ABAT: variants seen among roughly 807,000 people sequenced by gnomAD.
The protein encoded by ABAT is 4-aminobutyrate aminotransferase.
In ABAT, 45 loss-of-function variants were observed where a neutral mutation model predicts 64.6. The observed-to-expected ratio is 0.70, with a 90% confidence interval of 0.55 to 0.89. The LOEUF is 0.89. Ranked by LOEUF, ABAT falls within the 40% of genes least tolerant of loss-of-function variation. The probability of loss-of-function intolerance (pLI) is 0.00; values close to 1 mark genes in which losing one functional copy is unlikely to be tolerated. For synonymous variants in ABAT, 297 were observed against 250.5 expected (o/e 1.19, Z -1.75); for missense variants, 633 against 658.4 (o/e 0.96, Z 0.42).
At chr16:8,755,913 G>C (rs1567305904) in intron 5 of ABAT, among the ~76,000 whole-genome samples, 1 of 152,188 alleles carries the variant, frequency 6.6e-6, no homozygotes, top group Non-Finnish European at 1.5e-5. Context: ...GCCAGGCGTG[G>C]TGATGGGCGC....
chr16:8,738,028 A>G (rs924202445), intron 2 of ABAT, among the ~76,000 whole-genome samples: 9 of 136,552 alleles, frequency 6.6e-5, no homozygotes, highest in Non-Finnish European at 1.1e-4. Context: ...AAAGAAAGAA[A>G]GAAGGACAGA....
At chr16:8,712,633 C>G (rs2058101991) in intron 1 of ABAT, among the ~76,000 whole-genome samples, 1 of 152,144 alleles carries the variant, frequency 6.6e-6, no homozygotes, top group Admixed American at 6.5e-5. Flanking sequence ...CCCTTTGGCC[C>G]TTGTTCTGCC....
At chr16:8,757,414 C>T (rs8057162) in intron 5 of ABAT, 55,348 of 360,540 alleles carry the variant, frequency 0.15, 4,565 homozygotes, top group East Asian at 0.23. Context: ...GTGATCCACC[C>T]GCCTTGGCCT....
chr16:8,708,545 C>T (rs575121238), intron 1 of ABAT, among the ~76,000 whole-genome samples: 2 of 152,188 alleles, frequency 1.3e-5, no homozygotes, highest in Non-Finnish European at 2.9e-5. Context: ...AAGCAATCTC[C>T]CTGCCTCTGC....
rs111279225 is a variant in ABAT, at chr16:8,776,085, C to G, written c.1123-259C>G. On this transcript the variant is annotated intron_variant, in intron 13 of 15. Transcript: ENST00000268251. This position sits in a 1 kb window ranked among gnomAD's most constrained non-coding sequence, Gnocchi z 4.4. Reference sequence around the variant, plus strand: ...CTGAGGGATTTCCCAGTGCATGGGACGATTTGGTCCTCCCCATAGCAGTTC... The same window carrying G: ...CTGAGGGATTTCCCAGTGCATGGGAGGATTTGGTCCTCCCCATAGCAGTTC... Among the ~76,000 whole-genome samples, 41 of 152,160 alleles carry G rather than the reference C, an allele frequency of 2.7e-4. No individual in the cohort carries two copies. The highest frequency in any genetic ancestry group is 5.0e-4 in the Non-Finnish European group (34 of 68,028).
intron 1 of ABAT, among the ~76,000 whole-genome samples, chr16:8,692,255 C>T (rs898919740): frequency 1.3e-5 from 2 of 152,158 alleles, no homozygotes; most frequent in African/African-American, 2.4e-5. Flanking sequence ...GTGGTTCATG[C>T]TTGTGGTCCC....
Position 8,706,420 on chromosome 16 carries a change from A to G in ABAT, c.-41-29279A>G, listed in dbSNP as rs28742255. On this transcript the variant is annotated intron_variant, in intron 1 of 15. Coordinates refer to ENST00000268251, the MANE Select transcript of ABAT (RefSeq NM_020686.6). ...ACCCTGTTTCAAAAAAAAAAAAAAA[A>G]AAAGAAAAGACCAGGCATGATGGCT... Among the ~76,000 whole-genome samples, 154 of 148,150 alleles carry G rather than the reference A, an allele frequency of 1.0e-3. 3 individuals carry two copies. Among genetic ancestry groups the G allele is most frequent in the South Asian group, 7.1e-3 (33 of 4,662 alleles).
rs778419804 is a variant in ABAT, at chr16:8,781,192, T to C, written c.1382-117T>C. On this transcript the variant is annotated intron_variant, in intron 15 of 15. Coordinates refer to ENST00000268251, the MANE Select transcript of ABAT (RefSeq NM_020686.6). The surrounding 1 kb of genome is among the most constrained non-coding windows in gnomAD (Gnocchi z 4.5). The stretch of plus-strand genomic sequence containing the variant: ...CCCGGGCTTCCATGATGGAGGATGA[T>C]GGATGGATGGATGGATGGATGGATG... The C allele has an allele frequency of 4.7e-5, 8 of 171,814 alleles. No individual in the cohort carries two copies. Among genetic ancestry groups the C allele is most frequent in the Admixed American group, 1.9e-4 (2 of 10,746 alleles). The allele number at this position is 171,814 out of a possible 1,614,324, so 10.6% of individuals were successfully genotyped here.
At chr16:8,724,731 G>GAAAAAA (rs1567286719) in intron 1 of ABAT, among the ~76,000 whole-genome samples, 1 of 73,194 alleles carries the variant, frequency 1.4e-5, no homozygotes, top group African/African-American at 4.3e-5. Context: ...CTTGTCTCAG[G>GAAAAAA]AAAAAAAAAA....
chr16:8,717,783 G>A (rs1273393), intron 1 of ABAT, among the ~76,000 whole-genome samples: 60,900 of 151,932 alleles, frequency 0.4, 13,897 homozygotes, highest in African/African-American at 0.63. Flanking sequence ...GAATCAGAAG[G>A]ACTAATTTAA....
intron 1 of ABAT, among the ~76,000 whole-genome samples, chr16:8,689,468 T>C (rs1227949482): frequency 2.0e-5 from 3 of 152,326 alleles, no homozygotes; most frequent in Admixed American, 1.3e-4. Flanking sequence ...CAAAAATGTA[T>C]TGGGCTTCCA....
intron 11 of ABAT, among the ~76,000 whole-genome samples, chr16:8,771,267 C>T (rs534340243): frequency 6.6e-6 from 1 of 151,182 alleles, no homozygotes; most frequent in African/African-American, 2.4e-5. Context: ...TGCACTCCAG[C>T]CTGGGCAACA....
At chr16:8,732,814 C>T in intron 1 of ABAT, among the ~76,000 whole-genome samples, 1 of 150,148 alleles carries the variant, frequency 6.7e-6, no homozygotes, top group Non-Finnish European at 1.5e-5. Context: ...AGAGGCGCCC[C>T]TCACCTCCCG....
chr16:8,706,870 C>A (rs2057957128), intron 1 of ABAT, among the ~76,000 whole-genome samples: 1 of 152,258 alleles, frequency 6.6e-6, no homozygotes, highest in African/African-American at 2.4e-5. Context: ...GTGTTTGCGA[C>A]CTGAGTGATT....
At chr16:8,762,262 T>C (rs1040983296) in intron 6 of ABAT, among the ~76,000 whole-genome samples, 2 of 152,246 alleles carry the variant, frequency 1.3e-5, no homozygotes, top group Non-Finnish European at 2.9e-5. Context: ...CACATTGCAA[T>C]GAATGCACAT....
rs3217123 is a variant in ABAT at position 8,781,189 on chromosome 16, TGATG to T, written c.1382-95_1382-92del. On this transcript the variant is annotated intron_variant, in intron 15 of 15. Coordinates refer to ENST00000268251, the MANE Select transcript of ABAT (RefSeq NM_020686.6). The surrounding 1 kb of genome is among the most constrained non-coding windows in gnomAD (Gnocchi z 4.5). Reference sequence around the variant, plus strand: ...AAGCCCGGGCTTCCATGATGGAGGATGATGGATGGATGGATGGATGGATGGATGA... The same window carrying T: ...AAGCCCGGGCTTCCATGATGGAGGATGATGGATGGATGGATGGATGGATGA... 909,833 of 1,429,434 alleles carry T rather than the reference TGATG, an allele frequency of 0.64. 290,281 individuals carry two copies. The highest frequency in any genetic ancestry group is 0.65 in the Middle Eastern group (2,724 of 4,186). The allele number at this position is 1,429,434 out of a possible 1,614,324, so 88.5% of individuals were successfully genotyped here.
chr16:8,723,079 A>G (rs2058421313), intron 1 of ABAT, among the ~76,000 whole-genome samples: 1 of 152,074 alleles, frequency 6.6e-6, no homozygotes, highest in Non-Finnish European at 1.5e-5. Context: ...CAAAACATAC[A>G]AAAATTAGCC....
At chr16:8,699,783 G>A (rs778126886) in intron 1 of ABAT, among the ~76,000 whole-genome samples, 5 of 150,364 alleles carry the variant, frequency 3.3e-5, no homozygotes, top group South Asian at 2.1e-4. Flanking sequence ...CCAGGCTGGT[G>A]CAGTGAATAT....
At chr16:8,746,622 C>T (rs1400613569) in intron 3 of ABAT, among the ~76,000 whole-genome samples, 1 of 151,588 alleles carries the variant, frequency 6.6e-6, no homozygotes, top group Non-Finnish European at 1.5e-5. Flanking sequence ...CTCAAGTGAT[C>T]CACCCGCGTC....
Sources: allele counts gnomAD v4.1 joint callset (sites outside exome capture counted in the v4.1 genomes callset), GRCh38; gene constraint gnomAD v4.1.1; non-coding constraint Gnocchi (gnomAD v3.1); transcripts MANE v1.5; gene names NCBI Gene and HGNC (gene_info 2026-07-23, HGNC 2026-07-21).